TMEM200A: variants seen among roughly 807,000 people sequenced by gnomAD.
TMEM200A encodes the protein two transmembrane C.
In TMEM200A, 12 loss-of-function variants were observed where a neutral mutation model predicts 24.3. The observed-to-expected ratio is 0.49, with a 90% CI of 0.32 to 0.80. The LOEUF (loss-of-function observed/expected upper bound fraction) is 0.80. Among genes scored for constraint, TMEM200A ranks in the 30% least tolerant of loss-of-function variants. The pLI is 0.04. For missense variants in TMEM200A, 545 were observed against 614.4 expected (o/e 0.89, Z 1.19); for synonymous variants, 224 against 224.4 (o/e 1.00, Z 0.02).
chr6:130,391,731 C>CTTTTTTT (rs773093362), intron 2 of TMEM200A, among the ~76,000 whole-genome samples: 3 of 81,854 alleles, frequency 3.7e-5, no homozygotes, highest in Non-Finnish European at 4.4e-5. Context: ...TTCAAGATTC[C>CTTTTTTT]TTTTTTTTTT....
intron 2 of TMEM200A, among the ~76,000 whole-genome samples, chr6:130,390,430 G>A (rs78047235): frequency 0.027 from 4,167 of 152,312 alleles, 68 homozygotes; most frequent in African/African-American, 0.042. Context: ...CCCTATGTGG[G>A]CTACAGTATG....
chr6:130,394,102 C>T (rs893681660), intron 2 of TMEM200A, among the ~76,000 whole-genome samples: 3 of 152,108 alleles, frequency 2.0e-5, no homozygotes, highest in Non-Finnish European at 2.9e-5. Context: ...CTTGGGATTT[C>T]ATTGTTAGGG....
chr6:130,403,729 CTTGTGTCATGCGGGT>C (rs1779142017), intron 2 of TMEM200A, among the ~76,000 whole-genome samples: 1 of 151,722 alleles, frequency 6.6e-6, no homozygotes, highest in African/African-American at 2.4e-5. Context: ...CCTAGATAAA[CTTGTGTCATGCGGGT>C]TTGTTGTACA....
Position 130,378,984 on chromosome 6 carries a change from G to T in TMEM200A, c.-80-6189G>T, listed in dbSNP as rs550648183. 2.0e-5 allele frequency among the ~76,000 whole-genome samples: 3 copies of T among 152,270 alleles called. No homozygotes were observed. The South Asian group carries it at 6.2e-4, about 32-fold the overall frequency. On this transcript the variant is annotated intron_variant, in intron 1 of 2. Coordinates refer to ENST00000296978, the MANE Select transcript of TMEM200A (RefSeq NM_001258277.2). Reference sequence around the variant, plus strand: ...ATTATCTCATGGCAGAAGGACGAGAGCATATGGGGTTGAACTCATTCTTTT... The same window carrying T: ...ATTATCTCATGGCAGAAGGACGAGATCATATGGGGTTGAACTCATTCTTTT...
At chr6:130,429,222 G>C (rs1779817751) in intron 2 of TMEM200A, among the ~76,000 whole-genome samples, 1 of 152,040 alleles carries the variant, frequency 6.6e-6, no homozygotes, top group Non-Finnish European at 1.5e-5. Context: ...AGAAACTTTT[G>C]ACAAAGAAAA....
chr6:130,375,516 G>C (rs1410808644), intron 1 of TMEM200A, among the ~76,000 whole-genome samples: 1 of 152,190 alleles, frequency 6.6e-6, no homozygotes, highest in African/African-American at 2.4e-5. Context: ...ACACAAACAG[G>C]AAACATATAA....
At position 130,442,006 on chromosome 6, in the gene TMEM200A, A is replaced by G; in HGVS notation, c.*108A>G. On this transcript the variant is annotated 3_prime_UTR_variant, in exon 3 of 3. Coordinates refer to ENST00000296978, the MANE Select transcript of TMEM200A (RefSeq NM_001258277.2). ...AAGCCTTTTTAATCAAATGGTTTGT[A>G]GTGTATTAGAATTGGCTGCTTAGTT... is the stretch of plus-strand genomic sequence containing the variant. The G allele has an allele frequency of 8.6e-7, 1 of 1,165,148 alleles. No individual in the cohort carries two copies. The highest frequency in any genetic ancestry group is 1.2e-6 in the Non-Finnish European group (1 of 838,834). 72.2% of individuals were successfully genotyped at this position (1,165,148 alleles called of 1,614,324 possible).
chr6:130,370,901 T>C (rs1170835811), intron 1 of TMEM200A, among the ~76,000 whole-genome samples: 1 of 152,170 alleles, frequency 6.6e-6, no homozygotes, highest in Admixed American at 6.5e-5. Context: ...AACAGGGAGC[T>C]GAAGTGATTA....
At chr6:130,405,164 T>A (rs901966910) in intron 2 of TMEM200A, among the ~76,000 whole-genome samples, 3 of 152,210 alleles carry the variant, frequency 2.0e-5, no homozygotes, top group South Asian at 4.1e-4. Flanking sequence ...CATATGAATT[T>A]AAAAATTTTT....
At chr6:130,370,582 A>G (rs1778298028) in intron 1 of TMEM200A, among the ~76,000 whole-genome samples, 1 of 152,180 alleles carries the variant, frequency 6.6e-6, no homozygotes. Flanking sequence ...TGCACATGGA[A>G]GCAACTCAGG....
At chr6:130,365,608 C>T (rs1014660574), upstream of TMEM200A, 1 of 985,448 alleles carries the variant, frequency 1.0e-6, no homozygotes, top group African/African-American at 1.7e-5. Flanking sequence ...CTGGGGGAGC[C>T]GGGTCCCTGG....
rs373877331 is a variant in TMEM200A, at chr6:130,428,099, G to A, written c.-16-12308G>A. On this transcript the variant is annotated intron_variant, in intron 2 of 2. Transcript: ENST00000296978. ...CCCTTGAACTCATTTTTACTGCTAG[G>A]CATTCTTTCTGATTTTTGTTATATT... Among the ~76,000 whole-genome samples the A allele has an allele frequency of 1.1e-4, 16 of 152,146 alleles. 2 individuals carry two copies. The highest frequency in any genetic ancestry group is 1.2e-4 in the African/African-American group (5 of 41,536).
intron 2 of TMEM200A, among the ~76,000 whole-genome samples, chr6:130,387,899 T>G (rs1360287749): frequency 6.6e-6 from 1 of 152,222 alleles, no homozygotes; most frequent in African/African-American, 2.4e-5. Flanking sequence ...TTTGCCTTTT[T>G]CAAGGTAGGA....
chr6:130,419,827 A>G (rs957013624), intron 2 of TMEM200A, among the ~76,000 whole-genome samples: 1 of 152,216 alleles, frequency 6.6e-6, no homozygotes, highest in Admixed American at 6.5e-5. Flanking sequence ...CTAATTTATG[A>G]ACAACAGAAA....
intron 2 of TMEM200A, among the ~76,000 whole-genome samples, chr6:130,435,290 T>C (rs1466406112): frequency 6.6e-6 from 1 of 152,150 alleles, no homozygotes; most frequent in Non-Finnish European, 1.5e-5. Context: ...CCAGCCCATA[T>C]TTGTCTTTTA....
chr6:130,367,473 T>C (rs113955532), intron 1 of TMEM200A, among the ~76,000 whole-genome samples: 4 of 152,250 alleles, frequency 2.6e-5, no homozygotes, highest in African/African-American at 9.6e-5. Context: ...TATGCATAAA[T>C]ATTACCAGAG....
rs369469437 is a variant in TMEM200A at position 130,441,342 on chromosome 6, A to G, written c.920A>G (p.Asn307Ser). 28 of 1,614,034 alleles carry G rather than the reference A, an allele frequency of 1.7e-5. No homozygotes were observed. The highest frequency in any genetic ancestry group is 2.4e-5 in the Non-Finnish European group (28 of 1,180,006). The change falls in exon 3 of 3, where the codon AAC becomes AGC. Residue 307 changes from asparagine to serine, a missense_variant. Physicochemically the swap from Asn to Ser is conservative, Grantham distance 46 (BLOSUM62 1). Transcript: ENST00000296978. ...NCVIDEPSID[N>S]ITEDADNLKS... ...GTTATTGATGAGCCCAGTATAGATA[A>G]CATCACTGAAGATGCTGACAACCTC... is the stretch of plus-strand genomic sequence containing the variant.
At chr6:130,423,042 GATGT>G (rs1309700212) in intron 2 of TMEM200A, among the ~76,000 whole-genome samples, 4 of 152,192 alleles carry the variant, frequency 2.6e-5, no homozygotes, top group Admixed American at 2.6e-4. Context: ...TTAGAATAAA[GATGT>G]ATGTGACTTT....
chr6:130,424,381 G>T (rs1779676102), intron 2 of TMEM200A, among the ~76,000 whole-genome samples: 3 of 152,034 alleles, frequency 2.0e-5, no homozygotes, highest in Admixed American at 6.6e-5. Context: ...CTAAAATCAG[G>T]ACTCAATAAA....
Sources: gnomAD v4.1 joint callset for allele counts (sites outside exome capture counted in the v4.1 genomes callset) on GRCh38, gnomAD v4.1.1 for gene constraint, MANE v1.5 for transcripts, NCBI Gene and HGNC (gene_info 2026-07-23, HGNC 2026-07-21) for gene names.